Variants in ZFP90 observed in about 807,000 individuals in gnomAD.
ZFP90 encodes the protein ZFP90 zinc finger protein.
ZFP90 carries 38 observed loss-of-function variants against 60.8 expected under a neutral mutation model. The observed-to-expected ratio is 0.62, with a 90% CI of 0.48 to 0.82. The LOEUF (loss-of-function observed/expected upper bound fraction) is 0.82. Among genes scored for constraint, ZFP90 ranks in the 40% least tolerant of loss-of-function variants. The pLI is 0.00. For missense variants in ZFP90, 711 were observed against 759.1 expected (o/e 0.94, Z 0.74); for synonymous variants, 287 against 264.8 (o/e 1.08, Z -0.82).
chr16:68,545,370 G>T (rs997788535), intron 2 of ZFP90, among the ~76,000 whole-genome samples: 1 of 152,052 alleles, frequency 6.6e-6, no homozygotes, highest in African/African-American at 2.4e-5. Flanking sequence ...TATACTTTCT[G>T]CTACTAATAT....
chr16:68,551,415 C>CTTTTTTTTTTTTTTTT lies in ZFP90; in HGVS notation c.34-6575_34-6560dup, dbSNP rs10538200. On this transcript the variant is annotated intron_variant, in intron 2 of 4. Coordinates refer to ENST00000563169, the MANE Select transcript of ZFP90 (RefSeq NM_001305203.2). Reference sequence around the variant, plus strand: ...GCATAAGGAAAGGGAACATGTGATCCTTTTTTTTTTTTTTTTTTTTTTTGG... The same window carrying CTTTTTTTTTTTTTTTT: ...GCATAAGGAAAGGGAACATGTGATCCTTTTTTTTTTTTTTTTTTTTTTTTTTTTTTTTTTTTTTTGG... Among the ~76,000 whole-genome samples, 2 of 123,024 alleles carry CTTTTTTTTTTTTTTTT rather than the reference C, an allele frequency of 1.6e-5. 1 individual carries two copies. The allele number at this position is 123,024 out of a possible 152,430, so 80.7% of individuals were successfully genotyped here.
chr16:68,542,681 T>C (rs939517138), intron 2 of ZFP90, among the ~76,000 whole-genome samples: 6 of 152,164 alleles, frequency 3.9e-5, no homozygotes, highest in Non-Finnish European at 8.8e-5. Context: ...TGGCGGTGCA[T>C]GTTCATTAAA....
At chr16:68,561,515 C>T (rs941578676) in intron 4 of ZFP90, among the ~76,000 whole-genome samples, 1 of 151,968 alleles carries the variant, frequency 6.6e-6, no homozygotes, top group Non-Finnish European at 1.5e-5. Flanking sequence ...TCATTTATAT[C>T]ATCTACACTA....
intron 2 of ZFP90, among the ~76,000 whole-genome samples, chr16:68,551,857 C>G (rs766075540): frequency 6.6e-6 from 1 of 152,084 alleles, no homozygotes; most frequent in African/African-American, 2.4e-5. Context: ...CTCCCAGGTT[C>G]ACACCATTCT....
downstream of ZFP90, among the ~76,000 whole-genome samples, chr16:68,570,056 G>A (rs1245646546): frequency 6.6e-6 from 1 of 151,028 alleles, no homozygotes; most frequent in African/African-American, 2.4e-5. Context: ...GTATACGTGT[G>A]TGTGTGTGTG....
intron 2 of ZFP90, among the ~76,000 whole-genome samples, chr16:68,546,489 A>G (rs1227964548): frequency 6.6e-6 from 1 of 152,136 alleles, no homozygotes; most frequent in African/African-American, 2.4e-5. Flanking sequence ...TCTATCTCAT[A>G]TAAGTGGAAT....
At chr16:68,551,415 C>CTTTTTTTTTTTT (rs10538200) in intron 2 of ZFP90, among the ~76,000 whole-genome samples, 1 of 123,024 alleles carries the variant, frequency 8.1e-6, no homozygotes, top group Non-Finnish European at 1.7e-5. Context: ...ACATGTGATC[C>CTTTTTTTTTTTT]TTTTTTTTTT....
upstream of ZFP90, among the ~76,000 whole-genome samples, chr16:68,537,062 C>T (rs1451343850): frequency 6.6e-5 from 10 of 152,150 alleles, 1 homozygote; most frequent in African/African-American, 2.4e-4. Flanking sequence ...ACAGCTTTTG[C>T]ACCTTCAGTT....
At position 68,539,780 on chromosome 16, in the gene ZFP90, T is replaced by G. The variant is rs904771673; in HGVS notation, c.-13T>G. ...CAGCTCCTGCCCCGGAGCCGGGCCC[T>G]GGCGAGGCAGGAATGGCCCCGAGGC... On this transcript the variant is annotated 5_prime_UTR_variant, in exon 2 of 5. Coordinates refer to ENST00000563169, the MANE Select transcript of ZFP90 (RefSeq NM_001305203.2). 1.3e-6 allele frequency: 2 copies of G among 1,593,086 alleles called. No homozygotes were observed. The highest frequency in any genetic ancestry group is 1.7e-6 in the Non-Finnish European group (2 of 1,171,014).
chr16:68,560,848 G>A (rs2091429707), intron 4 of ZFP90, among the ~76,000 whole-genome samples: 1 of 149,144 alleles, frequency 6.7e-6, no homozygotes, highest in Non-Finnish European at 1.5e-5. Flanking sequence ...ACAAGCCTGA[G>A]CCACCATGCC....
At chr16:68,567,226 G>A (rs191362595), downstream of ZFP90, 6 of 902,142 alleles carry the variant, frequency 6.7e-6, no homozygotes, top group African/African-American at 1.1e-4. Context: ...ACTCATCACA[G>A]CCAGGTGAGT....
chr16:68,564,214 A>T lies in ZFP90; in HGVS notation c.1427A>T (p.Asn476Ile), dbSNP rs771266209. 1 of 1,613,848 alleles carries T rather than the reference A, an allele frequency of 6.2e-7. No homozygotes were observed. The highest frequency in any genetic ancestry group is 1.7e-5 in the Admixed American group (1 of 59,988). ...CATCAGAGGATCCATACTGCAGAGA[A>T]CCCCTATGATTGTGAGCAGGCTTTT... is the stretch of plus-strand genomic sequence containing the variant. ...TDHQRIHTAE[N>I]PYDCEQAFSQ... Residue 476 changes from asparagine to isoleucine, a missense_variant, in exon 5 of 5, where the codon AAC becomes ATC. Asn to Ile is a moderately radical substitution (Grantham distance 149). Transcript: ENST00000563169.
Position 68,564,754 on chromosome 16 carries a change from GA to G in ZFP90, c.*57del, listed in dbSNP as rs761735897. On this transcript the variant is annotated 3_prime_UTR_variant, in exon 5 of 5. Coordinates refer to ENST00000563169, the MANE Select transcript of ZFP90 (RefSeq NM_001305203.2). ...CTTTAGCTAAAATGTTCTGATTCAGGATCAGAGGATTCTTAGAGAGCTTGGG... is the reference window on the plus strand; with the variant it reads ...CTTTAGCTAAAATGTTCTGATTCAGGTCAGAGGATTCTTAGAGAGCTTGGG... 216 of 1,530,928 alleles carry G rather than the reference GA, an allele frequency of 1.4e-4. No individual in the cohort carries two copies. The highest frequency in any genetic ancestry group is 1.8e-4 in the Non-Finnish European group (204 of 1,145,108). 94.8% of individuals were successfully genotyped at this position (1,530,928 alleles called of 1,614,324 possible).
intron 2 of ZFP90, 85 bp downstream of exon 2, chr16:68,539,910 T>C (rs1171098838): frequency 2.6e-6 from 4 of 1,517,192 alleles, no homozygotes; most frequent in Non-Finnish European, 3.6e-6. Context: ...GTCATTGTTC[T>C]CTGCCTGGCG....
At chr16:68,557,406 T>G in intron 2 of ZFP90, 1 of 375,294 alleles carries the variant, frequency 2.7e-6, no homozygotes, top group Admixed American at 3.1e-5. Context: ...ATGAAGCAGT[T>G]CAATAAGGTG....
chr16:68,535,308 G>A (rs2090952261), upstream of ZFP90, among the ~76,000 whole-genome samples: 1 of 152,188 alleles, frequency 6.6e-6, no homozygotes, highest in South Asian at 2.1e-4. Context: ...TCTCGGGAAA[G>A]ATATCCACCA....
chr16:68,550,271 T>C (rs982743726), intron 2 of ZFP90, among the ~76,000 whole-genome samples: 3 of 152,182 alleles, frequency 2.0e-5, no homozygotes, highest in African/African-American at 7.2e-5. Flanking sequence ...TTTTATTTTA[T>C]TTATTTGAAA....
At chr16:68,560,237 T>G (rs2091416168) in intron 4 of ZFP90, among the ~76,000 whole-genome samples, 1 of 152,146 alleles carries the variant, frequency 6.6e-6, no homozygotes, top group Non-Finnish European at 1.5e-5. Flanking sequence ...TTTCAGAACA[T>G]TTTCCTCACA....
chr16:68,550,577 T>A (rs1419519288), intron 2 of ZFP90, among the ~76,000 whole-genome samples: 2 of 152,250 alleles, frequency 1.3e-5, no homozygotes, highest in Non-Finnish European at 1.5e-5. Flanking sequence ...TAATCACACA[T>A]GCCCATTTGG....
Sources: gnomAD v4.1 joint callset for allele counts (sites outside exome capture counted in the v4.1 genomes callset) on GRCh38, gnomAD v4.1.1 for gene constraint, MANE v1.5 for transcripts, NCBI Gene and HGNC (gene_info 2026-07-23, HGNC 2026-07-21) for gene names.